RDX: variants seen among roughly 807,000 people sequenced by gnomAD.
The protein encoded by RDX is deafness, autosomal recessive 24.
Under a neutral mutation model 83.7 loss-of-function variants are expected in RDX, and 32 were observed. The ratio of observed to expected loss-of-function variants is 0.38; its 90% CI spans 0.29 to 0.51. RDX has a LOEUF of 0.51. Ranked by LOEUF, RDX falls within the 20% of genes least tolerant of loss-of-function variation. The pLI, the probability that RDX is intolerant of heterozygous loss-of-function variation, is 0.87. For missense variants in RDX, 600 were observed against 689.9 expected (o/e 0.87, Z 1.46); for synonymous variants, 229 against 222.7 (o/e 1.03, Z -0.25).
At chr11:110,267,808 T>C (rs1485365681) in intron 3 of RDX, among the ~76,000 whole-genome samples, 3 of 148,334 alleles carry the variant, frequency 2.0e-5, no homozygotes, top group Non-Finnish European at 4.5e-5. Flanking sequence ...AAAAAAAAAT[T>C]AGCTAAGTAG....
intron 9 of RDX, 70 bp downstream of exon 9, chr11:110,253,876 A>C: frequency 2.2e-6 from 3 of 1,350,156 alleles, no homozygotes; most frequent in Non-Finnish European, 3.2e-6. Flanking sequence ...ACATTTAAAA[A>C]ACTGAGCAGT....
intron 14 of RDX, among the ~76,000 whole-genome samples, chr11:110,218,806 C>A (rs1429689584): frequency 2.0e-5 from 3 of 152,194 alleles, no homozygotes; most frequent in African/African-American, 7.2e-5. Flanking sequence ...TAGGGATCAT[C>A]TCCCACAGGA....
intron 14 of RDX, among the ~76,000 whole-genome samples, chr11:110,210,704 A>G (rs1403908263): frequency 1.3e-5 from 2 of 151,840 alleles, no homozygotes; most frequent in Non-Finnish European, 2.9e-5. Flanking sequence ...TAAAGAAAAG[A>G]ATTTTCAACC....
At chr11:110,179,113 C>T (rs996388882) in intron 15 of RDX, among the ~76,000 whole-genome samples, 1 of 152,130 alleles carries the variant, frequency 6.6e-6, no homozygotes, top group East Asian at 1.9e-4. Context: ...GGGAAGCTGC[C>T]GCAATGGCCA....
At chr11:110,226,879 G>A (rs1864452448), downstream of RDX, among the ~76,000 whole-genome samples, 1 of 152,056 alleles carries the variant, frequency 6.6e-6, no homozygotes, top group African/African-American at 2.4e-5. Context: ...CAAGCATACC[G>A]AAACGTATAC....
downstream of RDX, among the ~76,000 whole-genome samples, chr11:110,227,418 A>G (rs1864470726): frequency 6.6e-6 from 1 of 152,142 alleles, no homozygotes; most frequent in Non-Finnish European, 1.5e-5. Context: ...GGCATGCATA[A>G]ATATAAAAAT....
At chr11:110,194,409 G>T (rs566414815) in intron 15 of RDX, among the ~76,000 whole-genome samples, 27 of 152,246 alleles carry the variant, frequency 1.8e-4, no homozygotes, top group South Asian at 1.0e-3. Context: ...TAGTAGAGAC[G>T]GGGTTTTGCC....
At chr11:110,287,198 T>A (rs1206291288) in intron 1 of RDX, 2 of 152,060 alleles carry the variant, frequency 1.3e-5, no homozygotes, top group Non-Finnish European at 2.9e-5. Context: ...TCAAAACCAG[T>A]CTGGGCAATC....
chr11:110,192,854 C>CAAAAA (rs59034419), intron 15 of RDX, among the ~76,000 whole-genome samples: 1 of 147,042 alleles, frequency 6.8e-6, no homozygotes, highest in Non-Finnish European at 1.5e-5. Context: ...ATTGAAAAGT[C>CAAAAA]AAAAAAAAAA....
At chr11:110,182,683 G>C (rs4754428) in intron 15 of RDX, among the ~76,000 whole-genome samples, 20,450 of 152,152 alleles carry the variant, frequency 0.13, 1,630 homozygotes, top group Non-Finnish European at 0.18. Context: ...CATTGCCATG[G>C]GCAATGGTTT....
At chr11:110,245,876 T>C (rs150272165) in intron 10 of RDX, among the ~76,000 whole-genome samples, 1 of 152,310 alleles carries the variant, frequency 6.6e-6, no homozygotes, top group East Asian at 1.9e-4. Context: ...TGGTTTATCT[T>C]CTTGAAGATG....
At chr11:110,232,924 CA>C (rs1555036951) in intron 13 of RDX, among the ~76,000 whole-genome samples, 1 of 152,168 alleles carries the variant, frequency 6.6e-6, no homozygotes, top group Non-Finnish European at 1.5e-5. Flanking sequence ...CCTCAATGTA[CA>C]TATTACTGAT....
chr11:110,292,651 T>TA (rs1227196700), intron 1 of RDX, among the ~76,000 whole-genome samples: 3,275 of 140,444 alleles, frequency 0.023, 97 homozygotes, highest in African/African-American at 0.07. Flanking sequence ...ACAAATAAAT[T>TA]AAAAAAAAAA....
chr11:110,255,774 T>G (rs1195516455), intron 7 of RDX, among the ~76,000 whole-genome samples: 1 of 152,102 alleles, frequency 6.6e-6, no homozygotes, highest in African/African-American at 2.4e-5. Flanking sequence ...AAAAAGGCCT[T>G]TATAACTTCT....
chr11:110,276,089 T>G (rs1156783250), intron 2 of RDX, among the ~76,000 whole-genome samples: 1 of 152,088 alleles, frequency 6.6e-6, no homozygotes, highest in Non-Finnish European at 1.5e-5. Flanking sequence ...CCCAGCCAAT[T>G]TTTTGCCATC....
intron 1 of RDX, among the ~76,000 whole-genome samples, chr11:110,291,263 C>T (rs562726736): frequency 6.6e-6 from 1 of 152,200 alleles, no homozygotes; most frequent in African/African-American, 2.4e-5. Context: ...AGTTCAAAGC[C>T]CTGGAGTTCG....
chr11:110,209,647 G>A (rs984989428), intron 14 of RDX, among the ~76,000 whole-genome samples: 80 of 146,996 alleles, frequency 5.4e-4, no homozygotes, highest in African/African-American at 1.2e-3. Flanking sequence ...ATCTGAGAAC[G>A]GGCAGACTGC....
At chr11:110,270,704 C>T (rs1442102119) in intron 3 of RDX, among the ~76,000 whole-genome samples, 1 of 152,164 alleles carries the variant, frequency 6.6e-6, no homozygotes, top group Non-Finnish European at 1.5e-5. Flanking sequence ...ACTCCAGTGC[C>T]CACACTTCTA....
chr11:110,237,685 T>C (rs1321020369), intron 10 of RDX, 33 bp from the exon 11 acceptor site: 1 of 1,605,352 alleles, frequency 6.2e-7, no homozygotes. Flanking sequence ...CCAACAGTGA[T>C]TAATTCCAAT....
Sources: gnomAD v4.1 joint callset for allele counts (sites outside exome capture counted in the v4.1 genomes callset) on GRCh38, gnomAD v4.1.1 for gene constraint, MANE v1.5 for transcripts, NCBI Gene and HGNC (gene_info 2026-07-23, HGNC 2026-07-21) for gene names.